The following BCAS3 variants were observed in gnomAD, a reference collection of about 807,000 sequenced individuals.
The protein encoded by BCAS3 is BCAS3 microtubule associated cell migration factor, also known as BCAS4/BCAS3 fusion.
In BCAS3, 53 loss-of-function variants were observed where a neutral mutation model predicts 116.1. That is an observed-to-expected ratio of 0.46 (90% CI 0.37 to 0.57). BCAS3 has a LOEUF of 0.57. Ranked by LOEUF, BCAS3 falls within the 20% of genes least tolerant of loss-of-function variation. The probability of loss-of-function intolerance (pLI) is 0.00; values close to 1 mark genes in which losing one functional copy is unlikely to be tolerated. For missense variants in BCAS3, 917 were observed against 1,165.4 expected, an observed-to-expected ratio of 0.79 and a Z score of 3.10; for synonymous variants, 391 against 408.2, an observed-to-expected ratio of 0.96 and a Z score of 0.51.
chr17:60,872,401 CACAT>C (rs2055189082), intron 8 of BCAS3, among the ~76,000 whole-genome samples: 1 of 150,724 alleles, frequency 6.6e-6, no homozygotes, highest in African/African-American at 2.4e-5. Flanking sequence ...CACATACACA[CACAT>C]ACCCCATATA....
chr17:60,754,059 GGT>G (rs1491405520), intron 6 of BCAS3, among the ~76,000 whole-genome samples: 1 of 59,420 alleles, frequency 1.7e-5, no homozygotes, highest in Non-Finnish European at 7.3e-5. Context: ...TTTGAGACAG[GGT>G]CTCTCTCTCT....
rs2053541195 is a variant in BCAS3, at chr17:61,302,632, G to T, written c.2426-65695G>T. On this transcript the variant is annotated intron_variant, in intron 22 of 23. Coordinates refer to ENST00000407086, the MANE Select transcript of BCAS3 (RefSeq NM_017679.5). The surrounding 1 kb of genome is among the most constrained non-coding windows in gnomAD (Gnocchi z 4.4). ...ATTATTACTCCCATTTTCTTGCTAA[G>T]GAAACTAAGATTTAGGTTACATTGA... Among the ~76,000 whole-genome samples the T allele has an allele frequency of 6.6e-6, 1 of 152,042 alleles. No homozygotes were observed. The highest frequency in any genetic ancestry group is 6.6e-5 in the Admixed American group (1 of 15,262).
chr17:60,834,346 CT>C (rs1308199851), intron 7 of BCAS3, among the ~76,000 whole-genome samples: 1 of 152,028 alleles, frequency 6.6e-6, no homozygotes, highest in Non-Finnish European at 1.5e-5. Flanking sequence ...ACATATCCTT[CT>C]CTAAAATGTT....
chr17:61,351,578 A>T (rs1470582333), intron 22 of BCAS3, among the ~76,000 whole-genome samples: 1 of 152,242 alleles, frequency 6.6e-6, no homozygotes, highest in Non-Finnish European at 1.5e-5. Context: ...CCAGGAGGTT[A>T]AGTGCTTTGC....
At chr17:60,714,648 C>T (rs1318417582) in intron 5 of BCAS3, among the ~76,000 whole-genome samples, 1 of 152,042 alleles carries the variant, frequency 6.6e-6, no homozygotes, top group Non-Finnish European at 1.5e-5. Context: ...GTGAGACTGT[C>T]TCATAAAGAC....
At chr17:61,112,682 A>T (rs1298406577) in intron 22 of BCAS3, among the ~76,000 whole-genome samples, 1 of 144,690 alleles carries the variant, frequency 6.9e-6, no homozygotes, top group African/African-American at 2.5e-5. Context: ...GATCAACGAG[A>T]CAGAAAGTCA....
At position 61,354,050 on chromosome 17, in the gene BCAS3, CG is replaced by C. The variant is rs1165049336; in HGVS notation, c.2426-14276del. The C allele has an allele frequency of 6.6e-6, 1 of 152,308 alleles. No homozygotes were observed. The highest frequency in any genetic ancestry group is 6.5e-5 in the Admixed American group (1 of 15,278). The allele number at this position is 152,308 out of a possible 1,614,324, so 9.4% of individuals were successfully genotyped here. The stretch of plus-strand genomic sequence containing the variant: ...AGCAAGGCCACTCACCAGGCCACCC[CG>C]CTGGTTCTACTTCCGCACCCACCTC... On this transcript the variant is annotated intron_variant, in intron 22 of 23. Transcript: ENST00000407086. This position sits in a 1 kb window ranked among gnomAD's most constrained non-coding sequence, Gnocchi z 4.5.
At chr17:61,303,802 T>C (rs760150093) in intron 22 of BCAS3, among the ~76,000 whole-genome samples, 32 of 152,222 alleles carry the variant, frequency 2.1e-4, no homozygotes, top group Non-Finnish European at 3.4e-4. Flanking sequence ...TTCTGGACTG[T>C]GAAGTCCTGA....
intron 22 of BCAS3, among the ~76,000 whole-genome samples, chr17:61,166,356 C>T (rs1422498924): frequency 1.4e-5 from 2 of 142,058 alleles, no homozygotes; most frequent in African/African-American, 5.2e-5. Flanking sequence ...TTTTTCTAAA[C>T]GTTTTATTAT....
At chr17:60,860,127 C>G (rs777109716) in intron 7 of BCAS3, among the ~76,000 whole-genome samples, 2 of 152,162 alleles carry the variant, frequency 1.3e-5, no homozygotes, top group Non-Finnish European at 2.9e-5. Context: ...AGTGTATAAG[C>G]ATTCCCTTTT....
Position 61,186,033 on chromosome 17 carries a change from G to A in BCAS3, c.2425+101469G>A, listed in dbSNP as rs2079753233. On this transcript the variant is annotated intron_variant, in intron 22 of 23. Coordinates refer to ENST00000407086, the MANE Select transcript of BCAS3 (RefSeq NM_017679.5). This position sits in a 1 kb window ranked among gnomAD's most constrained non-coding sequence, Gnocchi z 4.9. ...GTACATTTACTAAATAGTTCCTTAG[G>A]AGAGATGTAACATTAGGATGGAGGG... Among the ~76,000 whole-genome samples, 1 of 152,132 alleles carries A rather than the reference G, an allele frequency of 6.6e-6. No individual in the cohort carries two copies. Among genetic ancestry groups the A allele is most frequent in the Non-Finnish European group, 1.5e-5 (1 of 67,996 alleles).
chr17:60,687,074 A>G (rs968951122), intron 3 of BCAS3, among the ~76,000 whole-genome samples: 2 of 152,220 alleles, frequency 1.3e-5, no homozygotes, highest in East Asian at 1.9e-4. Flanking sequence ...AATGACACCT[A>G]CAATGATTAT....
chr17:61,306,578 A>G (rs1262718299), intron 22 of BCAS3, among the ~76,000 whole-genome samples: 1 of 152,096 alleles, frequency 6.6e-6, no homozygotes, highest in East Asian at 1.9e-4. Context: ...AGAGTTCAAG[A>G]CAAGTCTCGG....
rs2055585252 is a variant in BCAS3 at position 61,324,732 on chromosome 17, C to A, written c.2426-43595C>A. 6.6e-6 allele frequency among the ~76,000 whole-genome samples: 1 copy of A among 151,562 alleles called. No homozygotes were observed. The highest frequency in any genetic ancestry group is 2.4e-5 in the African/African-American group (1 of 41,212). ...AATGGTATCCAGCCAGGCACGGTAG[C>A]TCACTTCTATAATCTCAGAAGGCGG... On this transcript the variant is annotated intron_variant, in intron 22 of 23. Coordinates refer to ENST00000407086, the MANE Select transcript of BCAS3 (RefSeq NM_017679.5). The surrounding 1 kb of genome is among the most constrained non-coding windows in gnomAD (Gnocchi z 4.6).
At chr17:60,801,208 A>G (rs929569072) in intron 6 of BCAS3, among the ~76,000 whole-genome samples, 1 of 152,154 alleles carries the variant, frequency 6.6e-6, no homozygotes, top group Admixed American at 6.5e-5. Flanking sequence ...TTTTCAGTAC[A>G]TAAGTCCTGT....
At chr17:60,685,803 G>T (rs767947185) in intron 3 of BCAS3, among the ~76,000 whole-genome samples, 1 of 151,996 alleles carries the variant, frequency 6.6e-6, no homozygotes. Flanking sequence ...GTGAGACGTC[G>T]TCATTTTAGC....
At chr17:60,944,601 C>G (rs765501034) in intron 13 of BCAS3, among the ~76,000 whole-genome samples, 1 of 151,960 alleles carries the variant, frequency 6.6e-6, no homozygotes, top group Non-Finnish European at 1.5e-5. Flanking sequence ...CAGTATTTCT[C>G]AGGGACACAG....
rs998407399 is a variant in BCAS3 at position 61,032,570 on chromosome 17, C to T, written c.1638-2096C>T. On this transcript the variant is annotated intron_variant, in intron 16 of 23. Transcript: ENST00000407086. This position sits in a 1 kb window ranked among gnomAD's most constrained non-coding sequence, Gnocchi z 4.6. Reference sequence around the variant, plus strand: ...TCTCAGGTAATGCAACAGAGAGCATCATAACCAGAAAGAACAATTCTGATG... The same window carrying T: ...TCTCAGGTAATGCAACAGAGAGCATTATAACCAGAAAGAACAATTCTGATG... 1.3e-5 allele frequency among the ~76,000 whole-genome samples: 2 copies of T among 152,100 alleles called. No homozygotes were observed. Among genetic ancestry groups the T allele is most frequent in the Admixed American group, 6.6e-5 (1 of 15,260 alleles).
intron 5 of BCAS3, among the ~76,000 whole-genome samples, chr17:60,746,655 T>C (rs2042037736): frequency 6.6e-6 from 1 of 152,124 alleles, no homozygotes; most frequent in Non-Finnish European, 1.5e-5. Context: ...TTTAGCAGCT[T>C]TTCCTTTTCG....
Sources: gnomAD v4.1 joint callset for allele counts (sites outside exome capture counted in the v4.1 genomes callset) on GRCh38, gnomAD v4.1.1 for gene constraint, Gnocchi (gnomAD v3.1) non-coding constraint, MANE v1.5 for transcripts, NCBI Gene and HGNC (gene_info 2026-07-23, HGNC 2026-07-21) for gene names.